Variants in ARHGAP45 observed in about 807,000 individuals in gnomAD.
ARHGAP45 encodes rho GTPase-activating protein 45.
In ARHGAP45, 56 loss-of-function variants were observed where a neutral mutation model predicts 116.1. The observed-to-expected ratio is 0.48, with a 90% CI of 0.39 to 0.60. ARHGAP45 has a LOEUF of 0.60. Among genes scored for constraint, ARHGAP45 ranks in the 20% least tolerant of loss-of-function variants. The pLI is 0.00. For missense variants in ARHGAP45, 1,622 were observed against 1,601.0 expected, an observed-to-expected ratio of 1.01 and a Z score of -0.22; for synonymous variants, 866 against 701.7, an observed-to-expected ratio of 1.23 and a Z score of -3.70.
At position 1,080,011 on chromosome 19, in the gene ARHGAP45, G is replaced by A. The variant is rs368743428; in HGVS notation, c.1596G>A (p.Lys532=). 3 of 1,612,852 alleles carry A rather than the reference G, an allele frequency of 1.9e-6. No individual in the cohort carries two copies. Among genetic ancestry groups the A allele is most frequent in the African/African-American group, 1.3e-5 (1 of 74,936 alleles). ...VHFQMLCESS[K]LYDPGQQYAS... The stretch of plus-strand genomic sequence containing the variant: ...TCCAGATGCTGTGTGAGAGCAGCAA[G>A]CTGTATGACCCAGGCCAGCAGTACG... Residue 532 remains lysine, a synonymous_variant, in exon 13 of 23, where the codon AAG becomes AAA. Transcript: ENST00000313093.
chr19:1,072,694 G>A (rs981569261), intron 2 of ARHGAP45, among the ~76,000 whole-genome samples: 5 of 152,210 alleles, frequency 3.3e-5, no homozygotes, highest in South Asian at 2.1e-4. Context: ...CAGAGCTAGC[G>A]TAGATGGAAA....
At chr19:1,066,923 G>T (rs2043041991), upstream of ARHGAP45, among the ~76,000 whole-genome samples, 1 of 152,152 alleles carries the variant, frequency 6.6e-6, no homozygotes, top group Non-Finnish European at 1.5e-5. Flanking sequence ...CCAGGGGCTT[G>T]GTGGCGTCTG....
At chr19:1,082,093 G>A in intron 19 of ARHGAP45, 132 bp downstream of exon 19, 1 of 918,024 alleles carries the variant, frequency 1.1e-6, no homozygotes, top group Non-Finnish European at 1.6e-6. Flanking sequence ...GGCCTGGGGA[G>A]GACAGGGTGG....
rs775424810 is a variant in ARHGAP45 at position 1,084,297 on chromosome 19, C to T, written c.3015C>T (p.Gly1005=). ...VVVQVPYLEA[G]EAVVYPLQEA... ...TCCAGGTGCCGTACCTGGAGGCGGG[C>T]GAGGCGGTGGTCTACCCGCTGCAGG... The change falls in exon 22 of 23, where the codon GGC becomes GGT. Residue 1005 remains glycine, a synonymous_variant. Transcript: ENST00000313093. The T allele has an allele frequency of 8.7e-6, 14 of 1,612,522 alleles. No homozygotes were observed. Among genetic ancestry groups the T allele is most frequent in the Non-Finnish European group, 1.2e-5 (14 of 1,179,428 alleles).
In ARHGAP45 at chr19:1,080,311, C is replaced by T; in HGVS notation, c.1760C>T (p.Pro587Leu). The change falls in exon 14 of 23, where the codon CCG becomes CTG. Residue 587 changes from proline to leucine, a missense_variant. This residue lies in a region of ARHGAP45 where 1,334 missense variants were observed against 1,263.8 expected (regional missense o/e 1.06). Coordinates refer to ENST00000313093, the MANE Select transcript of ARHGAP45 (RefSeq NM_012292.5). ...TTCAACGTGAGTGATGTGGCGCGGC[C>T]GGAGGCTGCCGGGAGCCCCCCAGAA... ...SSFNVSDVAR[P>L]EAAGSPPEEG... The T allele has an allele frequency of 3.1e-6, 5 of 1,611,880 alleles. No individual in the cohort carries two copies. Among genetic ancestry groups the T allele is most frequent in the Non-Finnish European group, 3.4e-6 (4 of 1,179,696 alleles).
intron 10 of ARHGAP45, among the ~76,000 whole-genome samples, chr19:1,076,116 G>A (rs1167510849): frequency 6.6e-6 from 1 of 152,098 alleles, no homozygotes; most frequent in Non-Finnish European, 1.5e-5. Flanking sequence ...TTGCTGTTAC[G>A]AACACCATTG....
At chr19:1,077,414 C>T (rs555854777) in intron 10 of ARHGAP45, 373 of 990,960 alleles carry the variant, frequency 3.8e-4, no homozygotes, top group Non-Finnish European at 4.3e-4. Flanking sequence ...TCTCTGTTGC[C>T]CAGGCTGGAG....
Position 1,085,752 on chromosome 19 carries a change from A to G in ARHGAP45, c.3157A>G (p.Ser1053Gly). The change falls in exon 23 of 23, where the codon AGC (serine) becomes GGC (glycine). Residue 1053 changes from serine to glycine, a missense_variant. Ser to Gly is a moderately conservative substitution (Grantham distance 56, BLOSUM62 0). This residue lies in a region of ARHGAP45 where 1,334 missense variants were observed against 1,263.8 expected (regional missense o/e 1.06). Coordinates refer to ENST00000313093, the MANE Select transcript of ARHGAP45 (RefSeq NM_012292.5). ...SSEASALGHLSFLEQQQSEAS... is the reference protein window; with the variant it reads ...SSEASALGHLGFLEQQQSEAS... Reference sequence around the variant, plus strand: ...GGAGGCCAGTGCCCTGGGCCACCTCAGCTTCCTGGAGCAGCAGCAGAGCGA... The same window carrying G: ...GGAGGCCAGTGCCCTGGGCCACCTCGGCTTCCTGGAGCAGCAGCAGAGCGA... 1.2e-6 allele frequency: 2 copies of G among 1,612,352 alleles called. No individual in the cohort carries two copies. Among genetic ancestry groups the G allele is most frequent in the South Asian group, 2.2e-5 (2 of 91,024 alleles).
chr19:1,074,277 G>A (rs746362953), intron 7 of ARHGAP45, 36 bp downstream of exon 7: 2 of 1,611,968 alleles, frequency 1.2e-6, no homozygotes, highest in African/African-American at 2.7e-5. Flanking sequence ...GGGTCTGGAG[G>A]GAGGGGGTTC....
At chr19:1,070,526 T>TA (rs1262471976) in intron 2 of ARHGAP45, among the ~76,000 whole-genome samples, 2 of 144,270 alleles carry the variant, frequency 1.4e-5, no homozygotes, top group East Asian at 4.0e-4. Context: ...TTTTTTTTTT[T>TA]AGTAGAGATG....
chr19:1,077,235 G>T (rs1216129480), intron 10 of ARHGAP45: 1 of 985,278 alleles, frequency 1.0e-6, no homozygotes, highest in African/African-American at 1.7e-5. Flanking sequence ...CTCCCGTGGG[G>T]GCTGGTGTGC....
chr19:1,075,027 G>GCCC lies in ARHGAP45; in HGVS notation c.1185+154_1185+156dup, dbSNP rs539582612. ...CATGCGCGGCCTCGCAGGCTGGGCC[G>GCCC]CCCCCCCCAACGCCAAGCCGGGTCG... is the stretch of plus-strand genomic sequence containing the variant. On this transcript the variant is annotated intron_variant, in intron 10 of 22. Transcript: ENST00000313093. 5.2e-3 allele frequency: 2,272 copies of GCCC among 440,882 alleles called. 48 individuals are homozygous for GCCC. Among genetic ancestry groups the GCCC allele is most frequent in the African/African-American group, 0.049 (2,069 of 42,650 alleles). The allele number at this position is 440,882 out of a possible 1,614,324, so 27.3% of individuals were successfully genotyped here.
In ARHGAP45 at chr19:1,074,830, A is replaced by G; in HGVS notation, c.1136A>G (p.Lys379Arg). 1 of 1,402,112 alleles carries G rather than the reference A, an allele frequency of 7.1e-7. No homozygotes were observed. The highest frequency in any genetic ancestry group is 9.5e-7 in the Non-Finnish European group (1 of 1,052,514). 86.9% of individuals were successfully genotyped at this position (1,402,112 alleles called of 1,614,324 possible). ...PLTLRRLEHE[K>R]RRKEIKEAWH... ...ACCCTGCGGCGGCTTGAACACGAGA[A>G]GCGCAGGAAGGAGATCAAGGAGGCC... Residue 379 changes from lysine (K) to arginine (R), a missense_variant, in exon 10 of 23, where the codon AAG (lysine) becomes AGG (arginine). This residue lies in a region of ARHGAP45 where 1,334 missense variants were observed against 1,263.8 expected (regional missense o/e 1.06). Transcript: ENST00000313093.
In ARHGAP45 at chr19:1,080,242, T is replaced by A; in HGVS notation, c.1704-13T>A. 1 of 1,612,348 alleles carries A rather than the reference T, an allele frequency of 6.2e-7. No homozygotes were observed. Among genetic ancestry groups the A allele is most frequent in the Non-Finnish European group, 8.5e-7 (1 of 1,179,762 alleles). On this transcript the variant is annotated splice_polypyrimidine_tract_variant and intron_variant, in intron 13 of 22. Coordinates refer to ENST00000313093, the MANE Select transcript of ARHGAP45 (RefSeq NM_012292.5). ...CCATCACCTCCCCTCCTTTTCCCGG[T>A]TTCTTCCACTAGGTCCCCCGTCATG...
chr19:1,083,389 G>A (rs1242242833), intron 21 of ARHGAP45, 36 bp downstream of exon 21: 3 of 1,512,844 alleles, frequency 2.0e-6, no homozygotes, highest in African/African-American at 2.8e-5. Context: ...TGGCCACTCG[G>A]GGCTTGGGGA....
rs2043483177 is a variant in ARHGAP45, at chr19:1,082,890, G to C, written c.2568G>C (p.Leu856=). The change falls in exon 20 of 23, where the codon CTG becomes CTC. Residue 856 remains leucine, a synonymous_variant. Coordinates refer to ENST00000313093, the MANE Select transcript of ARHGAP45 (RefSeq NM_012292.5). ...SFRLYHELVG[L]AKDSLKAEAE... ...GCCTCTACCACGAGCTCGTAGGGCT[G>C]GCCAAGGACAGCCTGAAGGCAGAGG... 6.3e-7 allele frequency: 1 copy of C among 1,588,800 alleles called. No homozygotes were observed. Among genetic ancestry groups the C allele is most frequent in the Non-Finnish European group, 8.6e-7 (1 of 1,168,000 alleles).
chr19:1,086,001 G>T lies in ARHGAP45; in HGVS notation c.3406G>T (p.Val1136Leu), dbSNP rs369763242. ...CTGCAGGGAAAGGCAGCCGGAATTC[G>T]TGTGAGCTGGGGTGGGGCTGGGACC... Reference protein sequence around the residue: ...GSCRERQPEFV With the variant: ...GSCRERQPEFL The change falls in exon 23 of 23, where the codon GTG becomes TTG. Residue 1136 changes from valine (V) to leucine (L), a missense_variant. Coordinates refer to ENST00000313093, the MANE Select transcript of ARHGAP45 (RefSeq NM_012292.5). 4 of 1,611,296 alleles carry T rather than the reference G, an allele frequency of 2.5e-6. No individual in the cohort carries two copies. Among genetic ancestry groups the T allele is most frequent in the Non-Finnish European group, 1.7e-6 (2 of 1,178,954 alleles).
chr19:1,077,634 C>T, intron 10 of ARHGAP45: 1 of 1,414,884 alleles, frequency 7.1e-7, no homozygotes, highest in Non-Finnish European at 9.3e-7. Context: ...GATCCACCTG[C>T]CTCGGCCTCC....
chr19:1,079,930 C>G lies in ARHGAP45; in HGVS notation c.1515C>G (p.Ala505=), dbSNP rs1202438348. The change falls in exon 13 of 23, where the codon GCC becomes GCG. Residue 505 remains alanine, a splice_region_variant and synonymous_variant. Transcript: ENST00000313093. ...CCGCTCTCCGGTGCCGCCCGCAGGCCACGATCTCCTACTACCAGATGATGC... is the reference window on the plus strand; with the variant it reads ...CCGCTCTCCGGTGCCGCCCGCAGGCGACGATCTCCTACTACCAGATGATGC... ...IRQSDQTIKS[A]TISYYQMMHM... is the part of the protein sequence containing the mutation. The G allele has an allele frequency of 3.7e-6, 6 of 1,605,932 alleles. No homozygotes were observed. Among genetic ancestry groups the G allele is most frequent in the Non-Finnish European group, 5.1e-6 (6 of 1,174,238 alleles).
Sources: gnomAD v4.1 joint callset for allele counts (sites outside exome capture counted in the v4.1 genomes callset) on GRCh38, gnomAD v4.1.1 for gene constraint, gnomAD v4.1.1 regional missense constraint, MANE v1.5 for transcripts, NCBI Gene and HGNC (gene_info 2026-07-23, HGNC 2026-07-21) for gene names.